The following AGTPBP1 variants were observed in gnomAD, a reference collection of about 807,000 sequenced individuals.
The protein encoded by AGTPBP1 is cytosolic carboxypeptidase 1.
A neutral mutation model predicts 143.9 loss-of-function variants in AGTPBP1; 70 were observed. That is an observed-to-expected ratio of 0.49 (90% confidence interval 0.40 to 0.59). The LOEUF (loss-of-function observed/expected upper bound fraction) is 0.59. Among genes scored for constraint, AGTPBP1 ranks in the 20% least tolerant of loss-of-function variants. The pLI, the probability that AGTPBP1 is intolerant of heterozygous loss-of-function variation, is 0.00. For missense variants in AGTPBP1, 1,229 were observed against 1,464.5 expected, an observed-to-expected ratio of 0.84 and a Z score of 2.62; for synonymous variants, 463 against 500.2, an observed-to-expected ratio of 0.93 and a Z score of 0.99.
In AGTPBP1 at chr9:85,668,967, A is replaced by ATATG. The variant is rs1491203442; in HGVS notation, c.662+517_662+518insCATA. Among the ~76,000 whole-genome samples the ATATG allele has an allele frequency of 9.7e-3, 1,111 of 114,410 alleles. 32 individuals carry two copies. Among genetic ancestry groups the ATATG allele is most frequent in the Middle Eastern group, 0.015 (3 of 202 alleles). 75.1% of individuals were successfully genotyped at this position (114,410 alleles called of 152,430 possible). On this transcript the variant is annotated intron_variant, in intron 8 of 25. Transcript: ENST00000357081. The stretch of plus-strand genomic sequence containing the variant: ...TGAATAAAAATACATACATACATAC[A>ATATG]TGTGTGTGTGTGTGTGTGTGTGTGT...
At chr9:85,556,212 G>A (rs1372132885) in intron 25 of AGTPBP1, among the ~76,000 whole-genome samples, 9 of 152,090 alleles carry the variant, frequency 5.9e-5, no homozygotes, top group African/African-American at 2.2e-4. Context: ...CACAAAAGGT[G>A]AAAAGGTGAG....
intron 19 of AGTPBP1, among the ~76,000 whole-genome samples, chr9:85,591,089 A>G (rs1055412417): frequency 5.3e-5 from 8 of 152,104 alleles, no homozygotes; most frequent in Middle Eastern, 3.4e-3. Flanking sequence ...CATGGATATT[A>G]ATTGAGGATG....
chr9:85,556,427 A>G (rs1443721916), intron 25 of AGTPBP1, among the ~76,000 whole-genome samples: 1 of 152,218 alleles, frequency 6.6e-6, no homozygotes, highest in Non-Finnish European at 1.5e-5. Context: ...GGTGAGAAAA[A>G]AACATAAAAC....
chr9:85,548,969 C>A (rs1322597801), intron 25 of AGTPBP1, among the ~76,000 whole-genome samples: 2 of 152,156 alleles, frequency 1.3e-5, no homozygotes, highest in African/African-American at 4.8e-5. Flanking sequence ...GCCACCACAC[C>A]CGACCTTATT....
the AGTPBP1 span, among the ~76,000 whole-genome samples, chr9:85,777,077 G>T: frequency 6.6e-6 from 1 of 152,086 alleles, no homozygotes; most frequent in African/African-American, 2.4e-5. Context: ...CAGGATGATG[G>T]GGACCTTCAT....
intron 8 of AGTPBP1, among the ~76,000 whole-genome samples, chr9:85,662,909 T>A (rs1199787338): frequency 6.6e-6 from 1 of 152,256 alleles, no homozygotes; most frequent in East Asian, 1.9e-4. Context: ...ATGGAATGGC[T>A]GTTTAAGATA....
intron 11 of AGTPBP1, among the ~76,000 whole-genome samples, chr9:85,648,962 G>A (rs564250183): frequency 6.6e-6 from 1 of 152,244 alleles, no homozygotes; most frequent in African/African-American, 2.4e-5. Flanking sequence ...TTTGTAGGAT[G>A]TTTTCCTTAG....
intron 2 of AGTPBP1, among the ~76,000 whole-genome samples, chr9:85,708,081 T>A (rs1334727326): frequency 1.3e-5 from 2 of 152,068 alleles, no homozygotes; most frequent in African/African-American, 2.4e-5. Context: ...ATAATAATTT[T>A]AAAAAAAGAA....
At chr9:85,792,093 C>T in the AGTPBP1 span, 1 of 152,066 alleles carries the variant, frequency 6.6e-6, no homozygotes, top group East Asian at 1.9e-4. Context: ...ATTTTTTTCC[C>T]TCTGCTAAAA....
At chr9:85,626,306 A>G (rs548460461) in intron 14 of AGTPBP1, among the ~76,000 whole-genome samples, 87 of 152,334 alleles carry the variant, frequency 5.7e-4, no homozygotes, top group African/African-American at 2.0e-3. Flanking sequence ...GTGATTGCAC[A>G]TAAGAAAACT....
At chr9:85,698,866 T>G (rs1241764073) in intron 2 of AGTPBP1, among the ~76,000 whole-genome samples, 2 of 151,668 alleles carry the variant, frequency 1.3e-5, no homozygotes, top group Non-Finnish European at 2.9e-5. Flanking sequence ...CTCATTTTTT[T>G]GTATTTTTAT....
At chr9:85,606,003 C>T (rs915427984) in intron 17 of AGTPBP1, among the ~76,000 whole-genome samples, 2 of 151,894 alleles carry the variant, frequency 1.3e-5, no homozygotes, top group African/African-American at 4.8e-5. Context: ...GACCACAAAA[C>T]AATTGGAAAA....
the AGTPBP1 span, among the ~76,000 whole-genome samples, chr9:85,781,777 CT>C: frequency 1.8e-4 from 27 of 152,114 alleles, no homozygotes; most frequent in African/African-American, 5.1e-4. Flanking sequence ...ATCATGACCC[CT>C]GGAAATTAAA....
intron 1 of AGTPBP1, among the ~76,000 whole-genome samples, chr9:85,734,064 C>T (rs1280100715): frequency 6.6e-6 from 1 of 152,064 alleles, no homozygotes; most frequent in African/African-American, 2.4e-5. Context: ...CCAGCCTGGC[C>T]AACATGGTGA....
intron 1 of AGTPBP1, among the ~76,000 whole-genome samples, chr9:85,737,765 C>T (rs572082532): frequency 6.6e-6 from 1 of 152,286 alleles, no homozygotes; most frequent in African/African-American, 2.4e-5. Context: ...GGATTTCTCA[C>T]GGCATCTAAC....
At chr9:85,611,609 T>C (rs1830322088) in intron 17 of AGTPBP1, among the ~76,000 whole-genome samples, 1 of 152,164 alleles carries the variant, frequency 6.6e-6, no homozygotes, top group Non-Finnish European at 1.5e-5. Context: ...TATTTTTAAG[T>C]CTTAGGTAGA....
chr9:85,628,791 G>A (rs1439581043), intron 14 of AGTPBP1, among the ~76,000 whole-genome samples: 6 of 152,060 alleles, frequency 3.9e-5, no homozygotes, highest in Admixed American at 3.3e-4. Context: ...TCAGCTCACC[G>A]CAACCTCTGC....
intron 10 of AGTPBP1, among the ~76,000 whole-genome samples, chr9:85,657,186 A>AT (rs1833571868): frequency 2.0e-5 from 3 of 148,210 alleles, no homozygotes; most frequent in South Asian, 2.1e-4. Context: ...TATAATAATA[A>AT]AAAAAAAATA....
chr9:85,560,683 A>G (rs1826652195), intron 25 of AGTPBP1, among the ~76,000 whole-genome samples: 1 of 152,220 alleles, frequency 6.6e-6, no homozygotes, highest in Non-Finnish European at 1.5e-5. Flanking sequence ...AGATAAATTT[A>G]ATGTCAGATA....
Sources: gnomAD v4.1 joint callset for allele counts (sites outside exome capture counted in the v4.1 genomes callset) on GRCh38, gnomAD v4.1.1 for gene constraint, MANE v1.5 for transcripts, NCBI Gene and HGNC (gene_info 2026-07-23, HGNC 2026-07-21) for gene names.